The following AMPH variants were observed in gnomAD, a reference collection of about 807,000 sequenced individuals.
AMPH encodes the protein amphiphysin (Stiff-Mann syndrome with breast cancer 128kD autoantigen).
A neutral mutation model predicts 99.1 loss-of-function variants in AMPH; 49 were observed. That is an observed-to-expected ratio of 0.49 (90% confidence interval 0.39 to 0.63). The LOEUF is 0.63. Among genes scored for constraint, AMPH ranks in the 20% least tolerant of loss-of-function variants. The pLI is 0.00. For synonymous variants in AMPH, 314 were observed against 317.3 expected (o/e 0.99, Z 0.11); for missense variants, 759 against 863.4 (o/e 0.88, Z 1.52).
In AMPH at chr7:38,391,784, C is replaced by T. The variant is rs138082297; in HGVS notation, c.1842G>A (p.Glu614=). ...AGCCAGGAGGCAATTCCTGAGAGGC[C>T]TCCCTTGCAGATGCTAGCTGGTCAG... ...GAADQLASAR[E]ASQELPPGFL... The change falls in exon 19 of 21, where the codon GAG becomes GAA. Residue 614 remains glutamate, a synonymous_variant. Coordinates refer to ENST00000356264, the MANE Select transcript of AMPH (RefSeq NM_001635.4). The T allele has an allele frequency of 5.9e-5, 96 of 1,613,772 alleles. 1 individual carries two copies. The highest frequency in any genetic ancestry group is 7.8e-5 in the Non-Finnish European group (92 of 1,179,974).
chr7:38,555,368 A>G (rs1385871946), intron 1 of AMPH, among the ~76,000 whole-genome samples: 2 of 152,132 alleles, frequency 1.3e-5, no homozygotes, highest in Non-Finnish European at 1.5e-5. Context: ...TCATGCCACT[A>G]TACTCCAGCC....
In AMPH at chr7:38,491,123, T is replaced by G. The variant is rs776141913; in HGVS notation, c.323A>C (p.Asp108Ala). ...CCCATCCACGAGTTTTTGATGGAAG[T>G]CTTCCCACAGCACATCACATTTCTA... Reference protein sequence around the residue: ...VGEKCDVLWEDFHQKLVDGSL... With the variant: ...VGEKCDVLWEAFHQKLVDGSL... The change falls in exon 5 of 21, where the codon GAC becomes GCC. Residue 108 changes from aspartate (D) to alanine (A), a missense_variant. Physicochemically the swap from Asp to Ala is moderately radical, Grantham distance 126 (BLOSUM62 -2). This residue lies in a region of AMPH where 205 missense variants were observed against 287.9 expected (regional missense o/e 0.71). Coordinates refer to ENST00000356264, the MANE Select transcript of AMPH (RefSeq NM_001635.4). 1.2e-6 allele frequency: 2 copies of G among 1,612,728 alleles called. No individual in the cohort carries two copies. Among genetic ancestry groups the G allele is most frequent in the Middle Eastern group, 1.7e-4 (1 of 6,052 alleles).
chr7:38,588,722 CG>C (rs901422042), intron 1 of AMPH, among the ~76,000 whole-genome samples: 1 of 151,726 alleles, frequency 6.6e-6, no homozygotes, highest in Non-Finnish European at 1.5e-5. Flanking sequence ...AAAAGATAAT[CG>C]GGGGGAAAAA....
intron 17 of AMPH, among the ~76,000 whole-genome samples, chr7:38,416,194 C>T (rs1785381742): frequency 6.8e-6 from 1 of 146,314 alleles, no homozygotes; most frequent in Non-Finnish European, 1.5e-5. Context: ...AACCATAAAC[C>T]TGGATTCTGA....
Position 38,392,985 on chromosome 7 carries a change from G to A in AMPH, c.1609-968C>T, listed in dbSNP as rs185143874. Among the ~76,000 whole-genome samples the A allele has an allele frequency of 2.0e-3, 298 of 152,304 alleles. 1 individual carries two copies. Among genetic ancestry groups the A allele is most frequent in the African/African-American group, 6.9e-3 (285 of 41,568 alleles). ...ACCCTTTCATTTGTTTAACAAAGAT[G>A]AGCATGGAGGGGAGTTTCATCAGCA... is the stretch of plus-strand genomic sequence containing the variant. On this transcript the variant is annotated intron_variant, in intron 18 of 20. Coordinates refer to ENST00000356264, the MANE Select transcript of AMPH (RefSeq NM_001635.4).
intron 11 of AMPH, among the ~76,000 whole-genome samples, chr7:38,449,017 C>G (rs1308904982): frequency 2.6e-5 from 4 of 152,122 alleles, no homozygotes; most frequent in African/African-American, 9.7e-5. Flanking sequence ...AGAATAGAGT[C>G]AGCAAGGAAG....
rs1196430444 is a variant in AMPH at position 38,571,496 on chromosome 7, AAT to A, written c.70-36487_70-36486del. On this transcript the variant is annotated intron_variant, in intron 1 of 20. Transcript: ENST00000356264. Reference sequence around the variant, plus strand: ...TTCTATAAAATATATATTCTATATAAATATATTCTATAAAATATATATTCTAT... The same window carrying A: ...TTCTATAAAATATATATTCTATATAAATATTCTATAAAATATATATTCTAT... 3.6e-3 allele frequency among the ~76,000 whole-genome samples: 487 copies of A among 134,986 alleles called. 2 individuals are homozygous for A. Among genetic ancestry groups the A allele is most frequent in the Non-Finnish European group, 5.5e-3 (356 of 64,540 alleles). The allele number at this position is 134,986 out of a possible 152,430, so 88.6% of individuals were successfully genotyped here.
chr7:38,622,916 C>T (rs1381536417), intron 1 of AMPH, among the ~76,000 whole-genome samples: 3 of 152,148 alleles, frequency 2.0e-5, no homozygotes, highest in Non-Finnish European at 2.9e-5. Context: ...CACCCTAAGA[C>T]CCACTGGTGA....
At chr7:38,429,740 C>T (rs915705521) in intron 14 of AMPH, 102 bp downstream of exon 14, 17 of 1,392,912 alleles carry the variant, frequency 1.2e-5, no homozygotes, top group Non-Finnish European at 1.6e-5. Context: ...AAATCTATGA[C>T]TAGCAATGCC....
intron 1 of AMPH, among the ~76,000 whole-genome samples, chr7:38,593,769 G>C (rs180895768): frequency 2.0e-4 from 31 of 152,314 alleles, no homozygotes; most frequent in Admixed American, 7.8e-4. Context: ...CTCAGAGCTT[G>C]CATTCAACTG....
intron 1 of AMPH, among the ~76,000 whole-genome samples, chr7:38,598,554 G>C: frequency 6.6e-6 from 1 of 151,978 alleles, no homozygotes; most frequent in Admixed American, 6.6e-5. Flanking sequence ...CACCTGCCTC[G>C]GGCTCCCAAA....
At chr7:38,439,721 C>A (rs757957682) in intron 11 of AMPH, among the ~76,000 whole-genome samples, 4 of 152,016 alleles carry the variant, frequency 2.6e-5, no homozygotes, top group Non-Finnish European at 5.9e-5. Flanking sequence ...AGAAAGGAGA[C>A]CAGCTGTGGA....
At chr7:38,619,259 G>C (rs550293794) in intron 1 of AMPH, among the ~76,000 whole-genome samples, 1 of 152,120 alleles carries the variant, frequency 6.6e-6, no homozygotes, top group Non-Finnish European at 1.5e-5. Flanking sequence ...GGCTATAACC[G>C]TATCAGATAA....
At chr7:38,538,384 T>C (rs998245404) in intron 1 of AMPH, among the ~76,000 whole-genome samples, 1 of 152,202 alleles carries the variant, frequency 6.6e-6, no homozygotes. Context: ...ACAGGCTGCA[T>C]TCTAGGGACT....
At chr7:38,461,159 G>T in intron 11 of AMPH, 124 bp downstream of exon 11, 1 of 1,131,054 alleles carries the variant, frequency 8.8e-7, no homozygotes, top group Non-Finnish European at 1.3e-6. Context: ...ATTAAAACAA[G>T]CCTGAATGAC....
At chr7:38,427,009 T>C in intron 14 of AMPH, 23 bp from the exon 15 acceptor site, 2 of 1,607,064 alleles carry the variant, frequency 1.2e-6, no homozygotes, top group Middle Eastern at 1.7e-4. Flanking sequence ...GAAAATCAGA[T>C]TGTGTTATTA....
intron 1 of AMPH, among the ~76,000 whole-genome samples, chr7:38,571,990 C>T (rs1792061888): frequency 6.6e-6 from 1 of 151,798 alleles, no homozygotes; most frequent in South Asian, 2.1e-4. Context: ...ACCGCAACCT[C>T]TGCCTCCCAG....
chr7:38,462,818 G>T (rs1361458791), intron 10 of AMPH, among the ~76,000 whole-genome samples, 157 bp downstream of exon 10: 1 of 152,158 alleles, frequency 6.6e-6, no homozygotes, highest in East Asian at 1.9e-4. Flanking sequence ...AAAGCAGGTG[G>T]ATACCTTCAT....
At position 38,465,514 on chromosome 7, in the gene AMPH, C is replaced by T; in HGVS notation, c.702G>A (p.Leu234=). Residue 234 remains leucine, a synonymous_variant, in exon 9 of 21, where the codon CTG becomes CTA. Coordinates refer to ENST00000356264, the MANE Select transcript of AMPH (RefSeq NM_001635.4). ...AGGCCTTGTCGGCGTGCTGGTCACCCAGTTTTGTCATCACTTCATACAGTT... is the reference window on the plus strand; with the variant it reads ...AGGCCTTGTCGGCGTGCTGGTCACCTAGTTTTGTCATCACTTCATACAGTT... ...CHKLYEVMTK[L]GDQHADKAFT... is the part of the protein sequence containing the mutation. 8 of 1,585,618 alleles carry T rather than the reference C, an allele frequency of 5.0e-6. No individual in the cohort carries two copies. The highest frequency in any genetic ancestry group is 6.9e-6 in the Non-Finnish European group (8 of 1,164,154).
Sources: gnomAD v4.1 joint callset for allele counts (sites outside exome capture counted in the v4.1 genomes callset) on GRCh38, gnomAD v4.1.1 for gene constraint, gnomAD v4.1.1 regional missense constraint, MANE v1.5 for transcripts, NCBI Gene and HGNC (gene_info 2026-07-23, HGNC 2026-07-21) for gene names.